NKAIN3: variants seen among roughly 807,000 people sequenced by gnomAD.
The protein encoded by NKAIN3 is sodium/potassium transporting ATPase interacting 3.
A neutral mutation model predicts 30.2 loss-of-function variants in NKAIN3; 25 were observed. That is an observed-to-expected ratio of 0.83 (90% CI 0.60 to 1.16). The LOEUF (loss-of-function observed/expected upper bound fraction) is 1.16. NKAIN3 is among the 50% of genes most tolerant of loss of function. NKAIN3 has a pLI of 0.00. For synonymous variants in NKAIN3, 91 were observed against 89.6 expected (o/e 1.02, Z -0.09); for missense variants, 225 against 254.1 (o/e 0.89, Z 0.78).
At chr8:62,536,423 G>A (rs1808664916) in intron 1 of NKAIN3, among the ~76,000 whole-genome samples, 1 of 152,044 alleles carries the variant, frequency 6.6e-6, no homozygotes, top group Admixed American at 6.6e-5. Flanking sequence ...TAACAATAAT[G>A]TTAACATATG....
chr8:62,827,752 C>G (rs1361140874), intron 4 of NKAIN3, among the ~76,000 whole-genome samples: 4 of 152,092 alleles, frequency 2.6e-5, no homozygotes, highest in Non-Finnish European at 5.9e-5. Context: ...ATGTATCCAC[C>G]ATTCAGCTTC....
At chr8:62,502,002 A>C (rs1807470855) in intron 1 of NKAIN3, among the ~76,000 whole-genome samples, 1 of 152,200 alleles carries the variant, frequency 6.6e-6, no homozygotes, top group Admixed American at 6.5e-5. Flanking sequence ...CCAATTTTCT[A>C]GGTGTGCCAG....
rs544077812 is a variant in NKAIN3 at position 62,828,233 on chromosome 8, G to A, written c.471+81104G>A. Among the ~76,000 whole-genome samples, 17 of 152,178 alleles carry A rather than the reference G, an allele frequency of 1.1e-4. No homozygotes were observed. In the South Asian group the frequency reaches 3.5e-3, roughly 32 times the overall value. The stretch of plus-strand genomic sequence containing the variant: ...CTATTGTTACATAAAATTAATCAGT[G>A]TTTGCCAGAGGTTATAGGTGGGGTA... On this transcript the variant is annotated intron_variant, in intron 4 of 6. Coordinates refer to ENST00000623646, the MANE Select transcript of NKAIN3 (RefSeq NM_001304533.3).
At chr8:62,663,644 G>T (rs1446207828) in intron 3 of NKAIN3, among the ~76,000 whole-genome samples, 2 of 152,164 alleles carry the variant, frequency 1.3e-5, no homozygotes, top group Non-Finnish European at 2.9e-5. Flanking sequence ...CACAGGGATA[G>T]TGACATCAGA....
At chr8:62,817,053 A>C (rs891914394) in intron 4 of NKAIN3, among the ~76,000 whole-genome samples, 4 of 152,104 alleles carry the variant, frequency 2.6e-5, no homozygotes, top group African/African-American at 9.7e-5. Flanking sequence ...TCTCCCAGCC[A>C]GGTGCTTTGC....
At position 62,888,350 on chromosome 8, in the gene NKAIN3, T is replaced by G. The variant is rs575396639; in HGVS notation, c.472-30103T>G. Among the ~76,000 whole-genome samples the G allele has an allele frequency of 5.9e-5, 9 of 152,364 alleles. No individual in the cohort carries two copies. The East Asian group carries it at 1.7e-3, about 29-fold the overall frequency. On this transcript the variant is annotated intron_variant, in intron 4 of 6. Coordinates refer to ENST00000623646, the MANE Select transcript of NKAIN3 (RefSeq NM_001304533.3). Reference sequence around the variant, plus strand: ...AAGGGGATTTTTCTCTAATACTCACTGTGAGAACTTGGTGGAGCTCCTGTA... The same window carrying G: ...AAGGGGATTTTTCTCTAATACTCACGGTGAGAACTTGGTGGAGCTCCTGTA...
intron 4 of NKAIN3, among the ~76,000 whole-genome samples, chr8:62,880,753 A>G (rs937442425): frequency 2.6e-5 from 4 of 152,206 alleles, no homozygotes; most frequent in African/African-American, 9.6e-5. Context: ...CCTATTCCAC[A>G]TAACTTTATC....
At chr8:62,887,149 T>A (rs764882906) in intron 4 of NKAIN3, among the ~76,000 whole-genome samples, 1 of 152,190 alleles carries the variant, frequency 6.6e-6, no homozygotes, top group Non-Finnish European at 1.5e-5. Flanking sequence ...ACACTAAATA[T>A]TTCACTTCTC....
chr8:62,918,639 C>A, intron 5 of NKAIN3, 126 bp downstream of exon 5: 2 of 687,528 alleles, frequency 2.9e-6, no homozygotes, highest in Non-Finnish European at 2.5e-6. Context: ...GAACTCAGCA[C>A]ACTAAAGTTA....
chr8:62,390,335 T>C (rs532623634), intron 1 of NKAIN3, among the ~76,000 whole-genome samples: 1 of 152,322 alleles, frequency 6.6e-6, no homozygotes, highest in East Asian at 1.9e-4. Context: ...CTAAGGATAA[T>C]GTCTGCCGGC....
chr8:62,849,532 T>A (rs1254059176), intron 4 of NKAIN3, among the ~76,000 whole-genome samples: 7 of 151,752 alleles, frequency 4.6e-5, no homozygotes, highest in Non-Finnish European at 8.8e-5. Context: ...ATGTGCCATG[T>A]TGGTGTGCTG....
At chr8:62,366,138 GT>G (rs1816729970) in intron 1 of NKAIN3, among the ~76,000 whole-genome samples, 1 of 150,608 alleles carries the variant, frequency 6.6e-6, no homozygotes, top group South Asian at 2.1e-4. Context: ...TAGGTTGTAT[GT>G]TTCTAGGAAT....
chr8:62,582,940 C>T (rs1312704185), intron 2 of NKAIN3, among the ~76,000 whole-genome samples: 1 of 152,158 alleles, frequency 6.6e-6, no homozygotes, highest in African/African-American at 2.4e-5. Context: ...CTGCACCTGC[C>T]TCACCAGCCT....
intron 1 of NKAIN3, among the ~76,000 whole-genome samples, chr8:62,250,725 T>G (rs970377834): frequency 1.3e-4 from 20 of 152,322 alleles, no homozygotes; most frequent in Non-Finnish European, 2.4e-4. Flanking sequence ...GATGATAATG[T>G]TTTTGAGATT....
At chr8:62,421,269 A>AGT (rs368551628) in intron 1 of NKAIN3, among the ~76,000 whole-genome samples, 192 of 152,238 alleles carry the variant, frequency 1.3e-3, no homozygotes, top group African/African-American at 4.5e-3. Context: ...CAGATAGAAG[A>AGT]GTATTGCTGC....
At chr8:62,743,322 A>T (rs1815966589) in intron 3 of NKAIN3, among the ~76,000 whole-genome samples, 1 of 152,212 alleles carries the variant, frequency 6.6e-6, no homozygotes, top group Admixed American at 6.5e-5. Flanking sequence ...CTAGTACTGA[A>T]ATAGATAGAA....
intron 5 of NKAIN3, among the ~76,000 whole-genome samples, chr8:62,936,940 T>C (rs35734166): frequency 8.5e-5 from 13 of 152,118 alleles, no homozygotes; most frequent in Admixed American, 4.6e-4. Context: ...GTTAGTACTT[T>C]TTCATACTTT....
chr8:62,261,376 A>C (rs1051108530), intron 1 of NKAIN3, among the ~76,000 whole-genome samples: 1 of 152,176 alleles, frequency 6.6e-6, no homozygotes, highest in East Asian at 1.9e-4. Context: ...TCTGTGGCTA[A>C]ATGATTCAGA....
chr8:62,837,481 T>C (rs574153939), intron 4 of NKAIN3, among the ~76,000 whole-genome samples: 5 of 152,168 alleles, frequency 3.3e-5, no homozygotes, highest in Non-Finnish European at 5.9e-5. Flanking sequence ...TAATTTTTAA[T>C]TGTTCTGTGA....
Sources: allele counts gnomAD v4.1 joint callset (sites outside exome capture counted in the v4.1 genomes callset), GRCh38; gene constraint gnomAD v4.1.1; transcripts MANE v1.5; gene names NCBI Gene and HGNC (gene_info 2026-07-23, HGNC 2026-07-21).